Variants in MAGI2 observed in about 807,000 individuals in gnomAD.
MAGI2 encodes membrane-associated guanylate kinase, WW and PDZ domain-containing protein 2.
In MAGI2, 35 loss-of-function variants were observed where a neutral mutation model predicts 133.3. That is an observed-to-expected ratio of 0.26 (90% CI 0.20 to 0.35). MAGI2 has a LOEUF of 0.35. Among genes scored for constraint, MAGI2 ranks in the 10% least tolerant of loss-of-function variants. The pLI is 1.00. For synonymous variants in MAGI2, 729 were observed against 710.6 expected (o/e 1.03, Z -0.41); for missense variants, 1,636 against 1,863.4 (o/e 0.88, Z 2.25).
At chr7:78,283,475 A>T (rs1795835109) in intron 9 of MAGI2, among the ~76,000 whole-genome samples, 1 of 151,964 alleles carries the variant, frequency 6.6e-6, no homozygotes, top group African/African-American at 2.4e-5. Context: ...GAATAAGTAA[A>T]TATATGAATA....
chr7:79,050,116 C>T (rs1032424581), intron 1 of MAGI2, among the ~76,000 whole-genome samples: 8 of 152,044 alleles, frequency 5.3e-5, no homozygotes, highest in East Asian at 1.9e-4. Context: ...GAAAGCATTA[C>T]CAACTTAGAA....
At chr7:78,858,157 T>A (rs1474799685) in intron 2 of MAGI2, among the ~76,000 whole-genome samples, 1 of 152,188 alleles carries the variant, frequency 6.6e-6, no homozygotes, top group Non-Finnish European at 1.5e-5. Flanking sequence ...TCTTTCTTAG[T>A]CTTGCTAGTG....
intron 2 of MAGI2, among the ~76,000 whole-genome samples, chr7:78,841,967 G>A (rs537662667): frequency 6.6e-6 from 1 of 152,000 alleles, no homozygotes; most frequent in African/African-American, 2.4e-5. Context: ...TAAGTCACAT[G>A]GAGTAAGAGT....
At chr7:79,214,407 C>CTCTCTCTCTCTCTCTCTA (rs1554406633) in intron 1 of MAGI2, among the ~76,000 whole-genome samples, 1 of 17,718 alleles carries the variant, frequency 5.6e-5, no homozygotes, top group Non-Finnish European at 9.4e-5. Context: ...CTCTCTCTCT[C>CTCTCTCTCTCTCTCTCTA]TATATATATA....
At chr7:79,260,012 C>T (rs193233975) in intron 1 of MAGI2, among the ~76,000 whole-genome samples, 75 of 152,160 alleles carry the variant, frequency 4.9e-4, no homozygotes, top group Admixed American at 2.3e-3. Context: ...GATATTGTAC[C>T]GACAATACAA....
intron 1 of MAGI2, among the ~76,000 whole-genome samples, chr7:79,253,134 G>A (rs1396977212): frequency 1.3e-5 from 2 of 152,076 alleles, no homozygotes; most frequent in East Asian, 1.9e-4. Flanking sequence ...CATACAATTC[G>A]TACAAACTCC....
chr7:78,680,980 C>T (rs999887078), intron 2 of MAGI2, among the ~76,000 whole-genome samples: 4 of 152,050 alleles, frequency 2.6e-5, no homozygotes, highest in Non-Finnish European at 4.4e-5. Context: ...TAAGGGAGGG[C>T]GACACTGCAG....
chr7:78,589,797 T>C (rs779543854), intron 3 of MAGI2, among the ~76,000 whole-genome samples: 1 of 152,226 alleles, frequency 6.6e-6, no homozygotes, highest in Non-Finnish European at 1.5e-5. Context: ...ACTTTAAATA[T>C]AGGTCTTCAA....
intron 1 of MAGI2, among the ~76,000 whole-genome samples, chr7:79,160,928 C>T (rs1824290160): frequency 6.6e-6 from 1 of 151,966 alleles, no homozygotes; most frequent in Non-Finnish European, 1.5e-5. Flanking sequence ...TTTAGGAAGC[C>T]TTATCAAATT....
intron 10 of MAGI2, among the ~76,000 whole-genome samples, chr7:78,214,464 G>C (rs2150815755): frequency 6.6e-6 from 1 of 152,234 alleles, no homozygotes; most frequent in East Asian, 1.9e-4. Flanking sequence ...GCACTTTACT[G>C]GGATGTTGGG....
At chr7:78,315,616 A>G (rs1442623395) in intron 9 of MAGI2, among the ~76,000 whole-genome samples, 1 of 152,218 alleles carries the variant, frequency 6.6e-6, no homozygotes, top group Admixed American at 6.5e-5. Flanking sequence ...CTCATTTTAA[A>G]GAGTATTATC....
intron 6 of MAGI2, among the ~76,000 whole-genome samples, chr7:78,372,220 A>T (rs899183418): frequency 1.3e-5 from 2 of 151,696 alleles, no homozygotes; most frequent in East Asian, 3.9e-4. Flanking sequence ...TTCACTTGTA[A>T]AAAGACAAGT....
chr7:78,560,602 CAG>C (rs1800304925), intron 3 of MAGI2, among the ~76,000 whole-genome samples: 1 of 152,080 alleles, frequency 6.6e-6, no homozygotes, highest in Admixed American at 6.6e-5. Context: ...TTTCAAAAGA[CAG>C]GTGTTACAGA....
chr7:78,396,232 A>G (rs2151327703), intron 6 of MAGI2, among the ~76,000 whole-genome samples: 1 of 152,254 alleles, frequency 6.6e-6, no homozygotes, highest in South Asian at 2.1e-4. Context: ...GTACAATCAT[A>G]CCCCATTAAA....
At chr7:79,386,251 T>A (rs756986790) in intron 1 of MAGI2, among the ~76,000 whole-genome samples, 1 of 152,020 alleles carries the variant, frequency 6.6e-6, no homozygotes, top group Non-Finnish European at 1.5e-5. Context: ...TGAAAGGTAT[T>A]AACATAGATA....
At chr7:78,290,131 A>C (rs1039880885) in intron 9 of MAGI2, among the ~76,000 whole-genome samples, 4 of 152,198 alleles carry the variant, frequency 2.6e-5, no homozygotes, top group Non-Finnish European at 5.9e-5. Flanking sequence ...AAACGAACTA[A>C]ATGCCCCAAT....
At chr7:79,022,388 G>T (rs1336495583) in intron 1 of MAGI2, among the ~76,000 whole-genome samples, 1 of 151,966 alleles carries the variant, frequency 6.6e-6, no homozygotes, top group African/African-American at 2.4e-5. Flanking sequence ...TGATAAGAGG[G>T]GAGTTTATAG....
chr7:78,695,224 C>CA (rs942997413), intron 2 of MAGI2, among the ~76,000 whole-genome samples: 20 of 150,502 alleles, frequency 1.3e-4, no homozygotes, highest in African/African-American at 4.6e-4. Flanking sequence ...GACTCTGTCT[C>CA]AAAAAAATAA....
At chr7:78,343,389 G>C (rs1025074314) in intron 9 of MAGI2, among the ~76,000 whole-genome samples, 1 of 152,110 alleles carries the variant, frequency 6.6e-6, no homozygotes, top group South Asian at 2.1e-4. Flanking sequence ...TAACTAACCT[G>C]GGTGATATAG....
Sources: allele counts gnomAD v4.1 joint callset (sites outside exome capture counted in the v4.1 genomes callset), GRCh38; gene constraint gnomAD v4.1.1; transcripts MANE v1.5; gene names NCBI Gene and HGNC (gene_info 2026-07-23, HGNC 2026-07-21).